Variants in ZFAT observed in about 807,000 individuals in gnomAD.
The protein encoded by ZFAT is zinc finger protein ZFAT.
ZFAT carries 64 observed loss-of-function variants against 117.7 expected under a neutral mutation model. The ratio of observed to expected loss-of-function variants is 0.54; its 90% CI spans 0.44 to 0.67. ZFAT has a LOEUF of 0.67. ZFAT is among the 30% of genes least tolerant of loss of function. The pLI, the probability that ZFAT is intolerant of heterozygous loss-of-function variation, is 0.00. For synonymous variants in ZFAT, 679 were observed against 615.0 expected, an observed-to-expected ratio of 1.10 and a Z score of -1.54; for missense variants, 1,433 against 1,584.5, an observed-to-expected ratio of 0.90 and a Z score of 1.62.
chr8:134,807,638 A>G, the ZFAT span, among the ~76,000 whole-genome samples: 1 of 152,034 alleles, frequency 6.6e-6, no homozygotes, highest in Admixed American at 6.6e-5. Context: ...TGACAGGGAG[A>G]AAACACTTGG....
At chr8:134,779,146 A>G in the ZFAT span, among the ~76,000 whole-genome samples, 2 of 152,240 alleles carry the variant, frequency 1.3e-5, no homozygotes, top group Non-Finnish European at 2.9e-5. Flanking sequence ...TCTCAAATAG[A>G]TGTTCAACAG....
chr8:134,765,805 C>T, the ZFAT span: 7 of 152,184 alleles, frequency 4.6e-5, no homozygotes, highest in African/African-American at 1.7e-4. Context: ...GATTGAGCTT[C>T]ATTAACTCCT....
chr8:134,617,898 A>G (rs1828857350), intron 3 of ZFAT, among the ~76,000 whole-genome samples: 1 of 152,116 alleles, frequency 6.6e-6, no homozygotes, highest in Non-Finnish European at 1.5e-5. Flanking sequence ...ATTCCCACGA[A>G]TTGTGGGAGG....
rs189879809 is a variant in ZFAT at position 134,603,457 on chromosome 8, G to A, written c.786-524C>T. ...GAATTCAGTCTGCTGCATAAGACTG[G>A]ATGCAACCATCTTTTCAATAGCTTG... On this transcript the variant is annotated intron_variant, in intron 5 of 15. Transcript: ENST00000377838. 2.0e-3 allele frequency among the ~76,000 whole-genome samples: 300 copies of A among 152,164 alleles called. 1 individual carries two copies. Among genetic ancestry groups the A allele is most frequent in the South Asian group, 3.3e-3 (16 of 4,808 alleles).
intron 10 of ZFAT, among the ~76,000 whole-genome samples, chr8:134,568,792 T>A (rs1310416078): frequency 6.6e-6 from 1 of 152,214 alleles, no homozygotes; most frequent in African/African-American, 2.4e-5. Context: ...TGGGAGGGCA[T>A]CTGACATAAT....
intron 15 of ZFAT, among the ~76,000 whole-genome samples, chr8:134,482,074 C>T (rs757913815): frequency 2.6e-5 from 4 of 152,340 alleles, no homozygotes; most frequent in East Asian, 1.9e-4. Flanking sequence ...CTCTGTTCCG[C>T]GCCCTCTCCC....
chr8:134,826,728 C>T, the ZFAT span, among the ~76,000 whole-genome samples: 8 of 152,164 alleles, frequency 5.3e-5, no homozygotes, highest in African/African-American at 1.7e-4. Flanking sequence ...TGTTCATAAA[C>T]TTAAGATAAA....
In ZFAT at chr8:134,668,647, T is replaced by C. The variant is rs559375775; in HGVS notation, c.20-10910A>G. Reference sequence around the variant, plus strand: ...CCAAAGGTAGATAAAACCACAAAGATGGGGAAAAAACAGAGCAGAAAAGCT... The same window carrying C: ...CCAAAGGTAGATAAAACCACAAAGACGGGGAAAAAACAGAGCAGAAAAGCT... On this transcript the variant is annotated intron_variant, in intron 1 of 15. Transcript: ENST00000377838. Among the ~76,000 whole-genome samples the C allele has an allele frequency of 2.3e-3, 347 of 152,142 alleles. 2 individuals carry two copies. The highest frequency in any genetic ancestry group is 7.7e-3 in the African/African-American group (318 of 41,506).
chr8:134,812,822 A>T, the ZFAT span, among the ~76,000 whole-genome samples: 23 of 152,346 alleles, frequency 1.5e-4, no homozygotes, highest in East Asian at 3.7e-3. Context: ...CAATGTTCTA[A>T]GTGTTTTATA....
At chr8:134,633,443 T>C (rs1830016406) in intron 3 of ZFAT, among the ~76,000 whole-genome samples, 1 of 152,258 alleles carries the variant, frequency 6.6e-6, no homozygotes, top group African/African-American at 2.4e-5. Flanking sequence ...TCAGGACTGT[T>C]CACCTGAGTA....
intron 13 of ZFAT, among the ~76,000 whole-genome samples, chr8:134,514,312 G>C (rs66877205): frequency 0.21 from 32,375 of 152,140 alleles, 3,671 homozygotes; most frequent in Non-Finnish European, 0.25. Flanking sequence ...TAAAAGCACC[G>C]ACTGACAAGA....
chr8:134,642,902 A>T (rs1830666073), intron 2 of ZFAT, among the ~76,000 whole-genome samples: 1 of 152,254 alleles, frequency 6.6e-6, no homozygotes, highest in South Asian at 2.1e-4. Flanking sequence ...GGGGAACACA[A>T]GCCTCTTAGG....
chr8:134,621,902 A>G (rs536777195), intron 3 of ZFAT, among the ~76,000 whole-genome samples: 1 of 152,352 alleles, frequency 6.6e-6, no homozygotes, highest in African/African-American at 2.4e-5. Flanking sequence ...TGAAAAACAC[A>G]AGATTTGGAG....
chr8:134,664,193 C>T (rs1832087505), intron 1 of ZFAT, among the ~76,000 whole-genome samples: 1 of 152,000 alleles, frequency 6.6e-6, no homozygotes, highest in African/African-American at 2.4e-5. Context: ...CTGGCCAGCC[C>T]ATGATCCCCA....
intron 12 of ZFAT, among the ~76,000 whole-genome samples, chr8:134,530,254 A>G (rs952142489): frequency 1.3e-5 from 2 of 152,246 alleles, no homozygotes; most frequent in African/African-American, 4.8e-5. Context: ...ACATGAAATT[A>G]TAAAGTCTCA....
chr8:134,778,958 C>A, the ZFAT span, among the ~76,000 whole-genome samples: 1 of 152,124 alleles, frequency 6.6e-6, no homozygotes, highest in Non-Finnish European at 1.5e-5. Flanking sequence ...GCCTCAGGTG[C>A]TAAAAGGGGT....
At chr8:134,614,505 C>T (rs1158597203) in intron 3 of ZFAT, among the ~76,000 whole-genome samples, 1 of 152,180 alleles carries the variant, frequency 6.6e-6, no homozygotes, top group Non-Finnish European at 1.5e-5. Context: ...GAGCACCGAA[C>T]CAACGGTTGG....
intron 11 of ZFAT, among the ~76,000 whole-genome samples, chr8:134,544,970 G>T (rs913795976): frequency 2.6e-5 from 4 of 152,190 alleles, no homozygotes. Flanking sequence ...GGAGAAACTG[G>T]TGCACAAGCA....
At chr8:134,485,599 G>A (rs1304805187) in intron 15 of ZFAT, among the ~76,000 whole-genome samples, 9 of 152,132 alleles carry the variant, frequency 5.9e-5, no homozygotes, top group African/African-American at 9.7e-5. Flanking sequence ...GCAGTGGCCC[G>A]TGGGGACACT....
Sources: gnomAD v4.1 joint callset for allele counts (sites outside exome capture counted in the v4.1 genomes callset) on GRCh38, gnomAD v4.1.1 for gene constraint, MANE v1.5 for transcripts, NCBI Gene and HGNC (gene_info 2026-07-23, HGNC 2026-07-21) for gene names.